KIFAP3: variants seen among roughly 807,000 people sequenced by gnomAD.
The protein encoded by KIFAP3 is kinesin associated protein 3, also known as kinesin-associated protein 3.
KIFAP3 carries 68 observed loss-of-function variants against 106.5 expected under a neutral mutation model. The observed-to-expected ratio is 0.64, with a 90% CI of 0.53 to 0.78. The LOEUF (loss-of-function observed/expected upper bound fraction) is 0.78. Among genes scored for constraint, KIFAP3 ranks in the 30% least tolerant of loss-of-function variants. The pLI is 0.00. For synonymous variants in KIFAP3, 320 were observed against 311.5 expected, an observed-to-expected ratio of 1.03 and a Z score of -0.29; for missense variants, 780 against 941.8, an observed-to-expected ratio of 0.83 and a Z score of 2.25.
chr1:170,075,453 A>G (rs1671882297), upstream of KIFAP3, among the ~76,000 whole-genome samples: 1 of 152,174 alleles, frequency 6.6e-6, no homozygotes, highest in African/African-American at 2.4e-5. Flanking sequence ...CTCACCTATA[A>G]TCTTGTCACT....
intron 19 of KIFAP3, among the ~76,000 whole-genome samples, chr1:169,932,878 TA>T (rs1311387791): frequency 6.6e-6 from 1 of 151,996 alleles, no homozygotes; most frequent in Non-Finnish European, 1.5e-5. Context: ...ATGCTTAATA[TA>T]AAATCTCCTA....
chr1:170,073,123 C>A (rs1041354128), intron 1 of KIFAP3, among the ~76,000 whole-genome samples: 17 of 152,118 alleles, frequency 1.1e-4, no homozygotes, highest in African/African-American at 4.1e-4. Context: ...TGTTCCAGAA[C>A]AATTTTGAAT....
chr1:170,023,658 C>T (rs1296059698), intron 9 of KIFAP3, among the ~76,000 whole-genome samples: 3 of 152,060 alleles, frequency 2.0e-5, no homozygotes, highest in South Asian at 2.1e-4. Flanking sequence ...ATATTGACTA[C>T]ATTATTGTAC....
At chr1:169,957,071 T>C (rs552859795) in intron 18 of KIFAP3, among the ~76,000 whole-genome samples, 1 of 152,346 alleles carries the variant, frequency 6.6e-6, no homozygotes, top group South Asian at 2.1e-4. Flanking sequence ...TCAACTTCTT[T>C]GGAAATATCT....
At chr1:169,973,105 G>GTGTGTGTATATATATATATATA (rs145406203) in intron 16 of KIFAP3, among the ~76,000 whole-genome samples, 13 of 90,314 alleles carry the variant, frequency 1.4e-4, no homozygotes, top group African/African-American at 5.9e-4. Context: ...AAAATAGTGT[G>GTGTGTGTATATATATATATATA]TATATATATA....
chr1:170,038,661 A>G (rs1228724035), intron 4 of KIFAP3, among the ~76,000 whole-genome samples: 1 of 152,180 alleles, frequency 6.6e-6, no homozygotes, highest in African/African-American at 2.4e-5. Flanking sequence ...ATTGTCTATC[A>G]ATATAAAGTA....
Position 169,927,586 on chromosome 1 carries a change from T to C in KIFAP3, c.2274-5805A>G, listed in dbSNP as rs564089656. On this transcript the variant is annotated intron_variant, in intron 19 of 19. Coordinates refer to ENST00000361580, the MANE Select transcript of KIFAP3 (RefSeq NM_014970.4). ...TGGAGGGCAAGGAGTGTTTTGGCCA[T>C]TGCTATATCCCTAGGCTCTAGTATT... Among the ~76,000 whole-genome samples the C allele has an allele frequency of 9.2e-5, 14 of 152,292 alleles. No individual in the cohort carries two copies. In the South Asian group the frequency reaches 2.9e-3, roughly 32 times the overall value.
At position 170,055,830 on chromosome 1, in the gene KIFAP3, T is replaced by C. The variant is rs567277838; in HGVS notation, c.33-394A>G. On this transcript the variant is annotated intron_variant, in intron 1 of 19. Transcript: ENST00000361580. ...AACCAAAGGCAACTGCCTTAAAATTTATATTAAAAGAAAAAGTCAGGCCAG... is the reference window on the plus strand; with the variant it reads ...AACCAAAGGCAACTGCCTTAAAATTCATATTAAAAGAAAAAGTCAGGCCAG... Among the ~76,000 whole-genome samples the C allele has an allele frequency of 2.0e-5, 3 of 152,174 alleles. No individual in the cohort carries two copies. In the East Asian group the frequency reaches 5.8e-4, roughly 29 times the overall value.
Position 170,035,555 on chromosome 1 carries a change from T to TA in KIFAP3, c.518-3dup. 1 of 1,588,864 alleles carries TA rather than the reference T, an allele frequency of 6.3e-7. No individual in the cohort carries two copies. The highest frequency in any genetic ancestry group is 8.6e-7 in the Non-Finnish European group (1 of 1,166,506). On this transcript the variant is annotated splice_region_variant and splice_polypyrimidine_tract_variant and intron_variant, in intron 5 of 19. Transcript: ENST00000361580. Reference sequence around the variant, plus strand: ...TTGCTAATGCACCAAGGGCAGTTTCTAAAGAAAAAGGAGAGGTACCGAAAC... The same window carrying TA: ...TTGCTAATGCACCAAGGGCAGTTTCTAAAAGAAAAAGGAGAGGTACCGAAAC...
In KIFAP3 at chr1:169,928,699, C is replaced by CAAAAAAAAAAAAAAA. The variant is rs10690029; in HGVS notation, c.2274-6933_2274-6919dup. ...AACAGAGTGAGTGAGACCCTGTCTC[C>CAAAAAAAAAAAAAAA]AAAAAAAAAAAAAAAAAAAAAATTA... is the stretch of plus-strand genomic sequence containing the variant. On this transcript the variant is annotated intron_variant, in intron 19 of 19. Transcript: ENST00000361580. Among the ~76,000 whole-genome samples, 11 of 37,778 alleles carry CAAAAAAAAAAAAAAA rather than the reference C, an allele frequency of 2.9e-4. 2 individuals carry two copies. Among genetic ancestry groups the CAAAAAAAAAAAAAAA allele is most frequent in the African/African-American group, 8.3e-4 (6 of 7,230 alleles). The allele number at this position is 37,778 out of a possible 152,430, so 24.8% of individuals were successfully genotyped here.
chr1:170,054,252 T>A (rs1426652419), intron 2 of KIFAP3, among the ~76,000 whole-genome samples: 1 of 152,168 alleles, frequency 6.6e-6, no homozygotes, highest in Non-Finnish European at 1.5e-5. Context: ...AAGAAGCTCA[T>A]CATCGGTCAT....
chr1:170,011,207 T>C (rs1037439964), intron 10 of KIFAP3, among the ~76,000 whole-genome samples: 10 of 151,988 alleles, frequency 6.6e-5, no homozygotes, highest in Non-Finnish European at 1.0e-4. Flanking sequence ...ATAATTTAGA[T>C]TGTCTACTAT....
At chr1:169,970,217 T>C (rs1665837565) in intron 17 of KIFAP3, among the ~76,000 whole-genome samples, 1 of 152,040 alleles carries the variant, frequency 6.6e-6, no homozygotes, top group Non-Finnish European at 1.5e-5. Flanking sequence ...TGCTCCTCTT[T>C]GTACCTACAC....
chr1:170,019,569 C>G (rs573754657), intron 9 of KIFAP3, among the ~76,000 whole-genome samples: 1 of 152,042 alleles, frequency 6.6e-6, no homozygotes, highest in South Asian at 2.1e-4. Context: ...TAGACTGTTG[C>G]GAATATGCGA....
intron 15 of KIFAP3, among the ~76,000 whole-genome samples, chr1:169,980,293 A>C (rs1666449150): frequency 6.6e-6 from 1 of 152,184 alleles, no homozygotes; most frequent in African/African-American, 2.4e-5. Flanking sequence ...ATGCACATAT[A>C]TTATGCCTAG....
Position 170,032,043 on chromosome 1 carries a change from A to T in KIFAP3, c.743-59T>A. 2 of 939,972 alleles carry T rather than the reference A, an allele frequency of 2.1e-6. 1 individual carries two copies. Among genetic ancestry groups the T allele is most frequent in the Non-Finnish European group, 3.4e-6 (2 of 587,892 alleles). The allele number at this position is 939,972 out of a possible 1,614,324, so 58.2% of individuals were successfully genotyped here. On this transcript the variant is annotated intron_variant, in intron 7 of 19. Transcript: ENST00000361580. ...TGAAGCAAAAAAAATCTACTGATAAATTCTATGAACAATGGCACTATTAAA... is the reference window on the plus strand; with the variant it reads ...TGAAGCAAAAAAAATCTACTGATAATTTCTATGAACAATGGCACTATTAAA...
intron 10 of KIFAP3, among the ~76,000 whole-genome samples, chr1:170,010,766 A>T (rs564391630): frequency 1.3e-5 from 2 of 152,158 alleles, no homozygotes; most frequent in East Asian, 3.9e-4. Context: ...CTATCATTAA[A>T]TATAAAAAAG....
At chr1:170,031,759 C>T (rs372420831) in intron 8 of KIFAP3, 127 bp downstream of exon 8, 20 of 594,200 alleles carry the variant, frequency 3.4e-5, no homozygotes, top group African/African-American at 3.1e-4. Context: ...GAACTTGTAG[C>T]ATATTAACAT....
chr1:170,079,597 G>A (rs1413266797), upstream of KIFAP3, among the ~76,000 whole-genome samples: 1 of 151,932 alleles, frequency 6.6e-6, no homozygotes. Context: ...TTTACTTCTG[G>A]GTTCTCTATT....
Sources: gnomAD v4.1 joint callset for allele counts (sites outside exome capture counted in the v4.1 genomes callset) on GRCh38, gnomAD v4.1.1 for gene constraint, MANE v1.5 for transcripts, NCBI Gene and HGNC (gene_info 2026-07-23, HGNC 2026-07-21) for gene names.